Variants in EIF4ENIF1 observed in about 807,000 individuals in gnomAD.
The protein encoded by EIF4ENIF1 is eukaryotic translation initiation factor 4E transporter.
Under a neutral mutation model 110.5 loss-of-function variants are expected in EIF4ENIF1, and 23 were observed. The ratio of observed to expected loss-of-function variants is 0.21; its 90% CI spans 0.15 to 0.29. The LOEUF (loss-of-function observed/expected upper bound fraction) is 0.29, where lower values mean the gene tolerates loss of function less well. Among genes scored for constraint, EIF4ENIF1 ranks in the 10% least tolerant of loss-of-function variants. The pLI, the probability that EIF4ENIF1 is intolerant of heterozygous loss-of-function variation, is 1.00. For synonymous variants in EIF4ENIF1, 440 were observed against 437.0 expected (o/e 1.01, Z -0.09); for missense variants, 1,031 against 1,221.1 (o/e 0.84, Z 2.32).
chr22:31,491,565 G>A (rs762529452), upstream of EIF4ENIF1, among the ~76,000 whole-genome samples: 1 of 152,114 alleles, frequency 6.6e-6, no homozygotes, highest in African/African-American at 2.4e-5. Flanking sequence ...TAAAAACACT[G>A]CTCTGGTTAT....
intron 2 of EIF4ENIF1, among the ~76,000 whole-genome samples, chr22:31,473,088 G>A (rs940389743): frequency 1.4e-5 from 2 of 145,262 alleles, no homozygotes; most frequent in Non-Finnish European, 3.0e-5. Context: ...TTTGACTAGA[G>A]AGTAAATTGC....
rs1360646811 is a variant in EIF4ENIF1, at chr22:31,450,892, CACAA to C, written c.1513-536_1513-533del. 2.5e-3 allele frequency: 370 copies of C among 147,992 alleles called. 4 individuals carry two copies. Among genetic ancestry groups the C allele is most frequent in the Admixed American group, 0.012 (189 of 15,200 alleles). 9.2% of individuals were successfully genotyped at this position (147,992 alleles called of 1,614,324 possible). ...ACACACACACACACACACACACACACACAAAAGAGACAGGGTCTTGTTCTGTTGC... is the reference window on the plus strand; with the variant it reads ...ACACACACACACACACACACACACACAAGAGACAGGGTCTTGTTCTGTTGC... On this transcript the variant is annotated intron_variant, in intron 10 of 18. Coordinates refer to ENST00000330125, the MANE Select transcript of EIF4ENIF1 (RefSeq NM_019843.4).
rs189113496 is a variant in EIF4ENIF1 at position 31,460,517 on chromosome 22, C to T, written c.788-1867G>A. On this transcript the variant is annotated intron_variant, in intron 6 of 18. Transcript: ENST00000330125. ...GTGTGTTGGCACGCGCCTGTAGTTC[C>T]GCTACTCCGGAGGCTGAGGCAGAAT... Among the ~76,000 whole-genome samples, 248 of 151,398 alleles carry T rather than the reference C, an allele frequency of 1.6e-3. 1 individual carries two copies. Among genetic ancestry groups the T allele is most frequent in the African/African-American group, 4.8e-3 (199 of 41,252 alleles).
intron 7 of EIF4ENIF1, among the ~76,000 whole-genome samples, chr22:31,456,451 C>T (rs977699697): frequency 1.3e-5 from 2 of 151,956 alleles, no homozygotes; most frequent in Non-Finnish European, 2.9e-5. Flanking sequence ...TCTCGATCTC[C>T]TGACCTTGTG....
chr22:31,455,090 T>C (rs1464251804), intron 9 of EIF4ENIF1, 46 bp downstream of exon 9: 3 of 1,529,738 alleles, frequency 2.0e-6, no homozygotes, highest in Non-Finnish European at 2.6e-6. Context: ...AGACTGAACA[T>C]CTAGACCTTT....
At chr22:31,486,245 C>T (rs2052019373) in intron 2 of EIF4ENIF1, among the ~76,000 whole-genome samples, 1 of 149,416 alleles carries the variant, frequency 6.7e-6, no homozygotes, top group African/African-American at 2.5e-5. Context: ...ACTCCAGCCT[C>T]GGCGACAAGA....
intron 18 of EIF4ENIF1, 76 bp from the exon 19 acceptor site, chr22:31,440,197 T>C: frequency 6.2e-7 from 1 of 1,604,664 alleles, no homozygotes; most frequent in Non-Finnish European, 8.5e-7. Flanking sequence ...TCAAACCCTA[T>C]CCAAAGAAAA....
chr22:31,492,993 G>A (rs1397160699), upstream of EIF4ENIF1, among the ~76,000 whole-genome samples: 1 of 151,672 alleles, frequency 6.6e-6, no homozygotes, highest in African/African-American at 2.4e-5. Flanking sequence ...GCCTCCCAAA[G>A]TGCTGGGATT....
chr22:31,458,572 T>C lies in EIF4ENIF1; in HGVS notation c.866A>G (p.Gln289Arg). The C allele has an allele frequency of 6.2e-7, 1 of 1,613,868 alleles. No individual in the cohort carries two copies. The highest frequency in any genetic ancestry group is 8.5e-7 in the Non-Finnish European group (1 of 1,179,832). The change falls in exon 7 of 19, where the codon CAG (glutamine) becomes CGG (arginine). Residue 289 changes from glutamine to arginine, a missense_variant. Gln to Arg is a conservative substitution (Grantham distance 43, BLOSUM62 1). Transcript: ENST00000330125. ...VILAQEPAADQEVPRDAVLPE... is the reference protein window; with the variant it reads ...VILAQEPAADREVPRDAVLPE... ...CAAGACAGCATCCCTTGGCACTTCCTGATCAGCCGCAGGCTCCTGTGCAAG... is the reference window on the plus strand; with the variant it reads ...CAAGACAGCATCCCTTGGCACTTCCCGATCAGCCGCAGGCTCCTGTGCAAG...
chr22:31,463,525 A>G (rs56385611), intron 5 of EIF4ENIF1, among the ~76,000 whole-genome samples, 156 bp downstream of exon 5: 7,016 of 152,054 alleles, frequency 0.046, 155 homozygotes, highest in African/African-American at 0.055. Context: ...TACTAAAAAT[A>G]TAAAAAGTTA....
chr22:31,440,815 T>TGG lies in EIF4ENIF1; in HGVS notation c.2603_2604dup (p.Ile869ProfsTer18). 1 of 1,613,906 alleles carries TGG rather than the reference T, an allele frequency of 6.2e-7. No individual in the cohort carries two copies. Among genetic ancestry groups the TGG allele is most frequent in the Non-Finnish European group, 8.5e-7 (1 of 1,179,846 alleles). ...AAAGGGTAAAAGGGCTGACCCAGGATGGGGCCAGATATTCCCTGTAAATGA... is the reference window on the plus strand; with the variant it reads ...AAAGGGTAAAAGGGCTGACCCAGGATGGGGGGCCAGATATTCCCTGTAAATGA... On this transcript the variant is annotated frameshift_variant, in exon 18 of 19. Transcript: ENST00000330125. LOFTEE classifies it high-confidence loss of function.
Position 31,447,570 on chromosome 22 carries a change from TG to T in EIF4ENIF1, c.1849-6del. 6.2e-7 allele frequency: 1 copy of T among 1,600,104 alleles called. No individual in the cohort carries two copies. The highest frequency in any genetic ancestry group is 8.5e-7 in the Non-Finnish European group (1 of 1,171,002). On this transcript the variant is annotated splice_region_variant and splice_polypyrimidine_tract_variant and intron_variant, in intron 13 of 18. Transcript: ENST00000330125. ...TTGCAACTCCAGCTGGCTCATCTGC[TG>T]AAAAGGAGAGGGGAGGGTCAGGAGA... is the stretch of plus-strand genomic sequence containing the variant.
chr22:31,482,078 G>A (rs899848043), intron 2 of EIF4ENIF1, among the ~76,000 whole-genome samples: 3 of 151,370 alleles, frequency 2.0e-5, no homozygotes, highest in Admixed American at 6.6e-5. Flanking sequence ...GGCTGAGGTG[G>A]AAGGATCGCA....
intron 10 of EIF4ENIF1, among the ~76,000 whole-genome samples, chr22:31,451,570 G>C (rs543762921): frequency 6.6e-6 from 1 of 151,966 alleles, no homozygotes; most frequent in Non-Finnish European, 1.5e-5. Flanking sequence ...CACCGCACCC[G>C]GCAACTTTAT....
chr22:31,460,175 A>G (rs1044576285), intron 6 of EIF4ENIF1, among the ~76,000 whole-genome samples: 1 of 152,256 alleles, frequency 6.6e-6, no homozygotes, highest in Non-Finnish European at 1.5e-5. Context: ...TGATAGCACA[A>G]AGATAATGGT....
intron 5 of EIF4ENIF1, 106 bp from the exon 6 acceptor site, chr22:31,463,239 T>C: frequency 9.0e-7 from 1 of 1,116,252 alleles, no homozygotes; most frequent in Non-Finnish European, 1.3e-6. Flanking sequence ...GATATGATGC[T>C]GTATACCTGA....
At chr22:31,476,980 CAAAAAA>C (rs574308270) in intron 2 of EIF4ENIF1, among the ~76,000 whole-genome samples, 1 of 51,112 alleles carries the variant, frequency 2.0e-5, no homozygotes, top group Non-Finnish European at 4.3e-5. Flanking sequence ...GACCCTGTCT[CAAAAAA>C]AAAAAAAAAA....
At chr22:31,487,115 T>C (rs1374679211) in intron 2 of EIF4ENIF1, among the ~76,000 whole-genome samples, 3 of 152,040 alleles carry the variant, frequency 2.0e-5, no homozygotes, top group Non-Finnish European at 4.4e-5. Context: ...CTTCATTTGA[T>C]GGCTTTTCTC....
upstream of EIF4ENIF1, among the ~76,000 whole-genome samples, chr22:31,490,374 T>TAA (rs2052232342): frequency 6.6e-6 from 1 of 152,244 alleles, no homozygotes. Context: ...GAACCTCAGC[T>TAA]GTTTTGCGAG....
Sources: gnomAD v4.1 joint callset for allele counts (sites outside exome capture counted in the v4.1 genomes callset) on GRCh38, gnomAD v4.1.1 for gene constraint, MANE v1.5 for transcripts, NCBI Gene and HGNC (gene_info 2026-07-23, HGNC 2026-07-21) for gene names.